The following DCLK1 variants were observed in gnomAD, a reference collection of about 807,000 sequenced individuals.
DCLK1 encodes doublecortin like kinase 1, also known as serine/threonine-protein kinase DCLK1.
In DCLK1, 16 loss-of-function variants were observed where a neutral mutation model predicts 86.2. The ratio of observed to expected loss-of-function variants is 0.19; its 90% CI spans 0.13 to 0.28. The LOEUF (loss-of-function observed/expected upper bound fraction) is 0.28, where lower values mean the gene tolerates loss of function less well. Ranked by LOEUF, DCLK1 falls within the 10% of genes least tolerant of loss-of-function variation. The pLI is 1.00. For synonymous variants in DCLK1, 369 were observed against 370.5 expected, an observed-to-expected ratio of 1.00 and a Z score of 0.05; for missense variants, 590 against 940.2, an observed-to-expected ratio of 0.63 and a Z score of 4.87.
At chr13:35,936,384 A>G (rs1209653890) in intron 4 of DCLK1, among the ~76,000 whole-genome samples, 1 of 152,216 alleles carries the variant, frequency 6.6e-6, no homozygotes, top group Admixed American at 6.5e-5. Context: ...TGTGAGACAG[A>G]TCCTATTCCA....
intron 5 of DCLK1, among the ~76,000 whole-genome samples, chr13:35,858,762 C>T (rs927430348): frequency 1.3e-5 from 2 of 152,202 alleles, no homozygotes; most frequent in African/African-American, 2.4e-5. Flanking sequence ...TTTGCATCGC[C>T]ATCTCTAGAA....
intron 3 of DCLK1, among the ~76,000 whole-genome samples, chr13:35,986,481 G>T (rs961854620): frequency 6.6e-6 from 1 of 152,032 alleles, no homozygotes; most frequent in Non-Finnish European, 1.5e-5. Flanking sequence ...GACTTTCATT[G>T]CTATACCTTG....
chr13:36,131,475 C>G (rs1886361434), upstream of DCLK1, among the ~76,000 whole-genome samples: 1 of 152,080 alleles, frequency 6.6e-6, no homozygotes, highest in Non-Finnish European at 1.5e-5. Context: ...CGTGCGCGCC[C>G]CGTCGCCCCC....
At chr13:36,027,819 G>A (rs111671907) in intron 3 of DCLK1, among the ~76,000 whole-genome samples, 7 of 152,034 alleles carry the variant, frequency 4.6e-5, no homozygotes, top group Non-Finnish European at 7.4e-5. Context: ...TGTAACCTCC[G>A]CCTCCCATGC....
At chr13:36,116,734 A>G (rs938472156) in intron 2 of DCLK1, among the ~76,000 whole-genome samples, 6 of 152,330 alleles carry the variant, frequency 3.9e-5, no homozygotes, top group Non-Finnish European at 7.3e-5. Context: ...TTTCCAGAGG[A>G]TAAACTTTCT....
At chr13:36,089,356 A>G (rs1884734916) in intron 3 of DCLK1, among the ~76,000 whole-genome samples, 1 of 152,250 alleles carries the variant, frequency 6.6e-6, no homozygotes, top group South Asian at 2.1e-4. Flanking sequence ...CTAGGCCTGA[A>G]CAGAAGCACA....
At chr13:35,976,274 G>C (rs967736702) in intron 3 of DCLK1, among the ~76,000 whole-genome samples, 5 of 152,096 alleles carry the variant, frequency 3.3e-5, no homozygotes, top group Non-Finnish European at 5.9e-5. Flanking sequence ...GCACAGGCAC[G>C]TGATGCTACA....
chr13:36,079,314 G>A (rs1349050171), intron 3 of DCLK1, among the ~76,000 whole-genome samples: 2 of 152,094 alleles, frequency 1.3e-5, no homozygotes, highest in Non-Finnish European at 2.9e-5. Flanking sequence ...TAATGAGCTG[G>A]GCAAGTAGAG....
In DCLK1 at chr13:36,125,857, G is replaced by C; in HGVS notation, c.281C>G (p.Thr94Ser). The change falls in exon 2 of 17, where the codon ACT (threonine) becomes AGT (serine). Residue 94 changes from threonine (T) to serine (S), a missense_variant. Thr to Ser is a moderately conservative substitution (Grantham distance 58, BLOSUM62 1). This residue lies in a region of DCLK1 where 195 missense variants were observed against 365.1 expected (regional missense o/e 0.53). Coordinates refer to ENST00000360631, the MANE Select transcript of DCLK1 (RefSeq NM_001330071.2). Reference sequence around the variant, plus strand: ...GGGCAAATTCACGTTATCCGACAGAGTTCGGGTCAAATCAGCCAGCAGGGC... The same window carrying C: ...GGGCAAATTCACGTTATCCGACAGACTTCGGGTCAAATCAGCCAGCAGGGC... ...FEALLADLTR[T>S]LSDNVNLPQG... 6.2e-7 allele frequency: 1 copy of C among 1,614,198 alleles called. No individual in the cohort carries two copies. Among genetic ancestry groups the C allele is most frequent in the Non-Finnish European group, 8.5e-7 (1 of 1,180,034 alleles).
Position 35,827,774 on chromosome 13 carries a change from T to A in DCLK1, c.1288-20A>T. 6.2e-7 allele frequency: 1 copy of A among 1,612,452 alleles called. No homozygotes were observed. Among genetic ancestry groups the A allele is most frequent in the Non-Finnish European group, 8.5e-7 (1 of 1,179,814 alleles). ...GTGCTCCTGTCCAAAGGAAAAGTTA[T>A]CTTCATCAGCTTCCATAAAACATGT... On this transcript the variant is annotated intron_variant, in intron 9 of 16. Coordinates refer to ENST00000360631, the MANE Select transcript of DCLK1 (RefSeq NM_001330071.2).
intron 3 of DCLK1, among the ~76,000 whole-genome samples, chr13:36,007,279 G>C (rs1390068191): frequency 1.3e-5 from 2 of 152,286 alleles, no homozygotes; most frequent in Non-Finnish European, 2.9e-5. Context: ...CCTTCTTACT[G>C]ATAAAGCTTA....
At position 35,773,047 on chromosome 13, in the gene DCLK1, C is replaced by A. The variant is rs1015597333; in HGVS notation, c.*1488G>T. On this transcript the variant is annotated 3_prime_UTR_variant, in exon 17 of 17. Coordinates refer to ENST00000360631, the MANE Select transcript of DCLK1 (RefSeq NM_001330071.2). ...CAGAGCCCAGCAAACCTTGGGAATA[C>A]ATTTGAGTTGGGCACCTGCCTCTAA... The A allele has an allele frequency of 2.6e-5, 4 of 152,148 alleles. No homozygotes were observed. Among genetic ancestry groups the A allele is most frequent in the Non-Finnish European group, 5.9e-5 (4 of 68,034 alleles). 9.4% of individuals were successfully genotyped at this position (152,148 alleles called of 1,614,324 possible).
intron 3 of DCLK1, among the ~76,000 whole-genome samples, chr13:36,003,525 T>C (rs1880815226): frequency 6.6e-6 from 1 of 152,188 alleles, no homozygotes; most frequent in Non-Finnish European, 1.5e-5. Context: ...CAAGAAATAT[T>C]TGCTGAGACT....
chr13:35,841,600 T>C (rs1305331890), intron 6 of DCLK1, among the ~76,000 whole-genome samples: 2 of 152,210 alleles, frequency 1.3e-5, no homozygotes, highest in Non-Finnish European at 2.9e-5. Context: ...GTTACAACTG[T>C]ATTTTTGTGT....
chr13:35,811,808 T>C (rs773417157), intron 11 of DCLK1, among the ~76,000 whole-genome samples: 3 of 151,636 alleles, frequency 2.0e-5, no homozygotes, highest in Non-Finnish European at 4.4e-5. Context: ...CACTCCAGCC[T>C]GGGCAACAAG....
intron 4 of DCLK1, among the ~76,000 whole-genome samples, chr13:35,904,681 G>A (rs1480597382): frequency 3.3e-5 from 5 of 152,162 alleles, no homozygotes; most frequent in Non-Finnish European, 7.3e-5. Flanking sequence ...AGAGTCCTTG[G>A]GAGAGCCAGA....
At chr13:35,908,693 T>G (rs148419576) in intron 4 of DCLK1, among the ~76,000 whole-genome samples, 1,725 of 152,314 alleles carry the variant, frequency 0.011, 29 homozygotes, top group African/African-American at 0.039. Flanking sequence ...TTCAGTGCAA[T>G]GGCGTGATCT....
intron 3 of DCLK1, among the ~76,000 whole-genome samples, chr13:35,999,419 T>C (rs1454850125): frequency 6.6e-6 from 1 of 152,184 alleles, no homozygotes; most frequent in Non-Finnish European, 1.5e-5. Flanking sequence ...TTTGGCACAC[T>C]GTGTTTCTTG....
intron 16 of DCLK1, among the ~76,000 whole-genome samples, chr13:35,791,535 G>A (rs537675045): frequency 6.6e-6 from 1 of 152,198 alleles, no homozygotes; most frequent in East Asian, 1.9e-4. Flanking sequence ...AGCTAGATGA[G>A]GTTTTAATGA....
Sources: allele counts gnomAD v4.1 joint callset (sites outside exome capture counted in the v4.1 genomes callset), GRCh38; gene constraint gnomAD v4.1.1; regional missense constraint gnomAD v4.1.1; transcripts MANE v1.5; gene names NCBI Gene and HGNC (gene_info 2026-07-23, HGNC 2026-07-21).